The following OGFOD3 variants were observed in gnomAD, a reference collection of about 807,000 sequenced individuals.
OGFOD3 encodes 2-oxoglutarate and iron-dependent oxygenase domain-containing protein 3.
In OGFOD3, 35 loss-of-function variants were observed where a neutral mutation model predicts 39.8. The observed-to-expected ratio is 0.88, with a 90% CI of 0.67 to 1.17. The LOEUF (loss-of-function observed/expected upper bound fraction) is 1.17, where lower values mean the gene tolerates loss of function less well. Ranked by LOEUF, OGFOD3 falls within the 50% of genes most tolerant of loss-of-function variation. The probability of loss-of-function intolerance (pLI) is 0.00; values close to 1 mark genes in which losing one functional copy is unlikely to be tolerated. For missense variants in OGFOD3, 438 were observed against 454.5 expected (o/e 0.96, Z 0.33); for synonymous variants, 200 against 192.0 (o/e 1.04, Z -0.34).
At chr17:82,413,677 C>T (rs943239471) in intron 2 of OGFOD3, among the ~76,000 whole-genome samples, 3 of 152,136 alleles carry the variant, frequency 2.0e-5, no homozygotes, top group African/African-American at 4.8e-5. Flanking sequence ...TGAGATCAGC[C>T]TGGGCAACAT....
In OGFOD3 at chr17:82,415,091, C is replaced by G. The variant is rs2053011284; in HGVS notation, c.304+307G>C. On this transcript the variant is annotated intron_variant, in intron 2 of 8. Transcript: ENST00000313056. The surrounding 1 kb of genome is among the most constrained non-coding windows in gnomAD (Gnocchi z 5.3). Reference sequence around the variant, plus strand: ...ACATTTTCCCCAACATTCTCTGACTCTACCACATTCTCCAGTCAAAAAATC... The same window carrying G: ...ACATTTTCCCCAACATTCTCTGACTGTACCACATTCTCCAGTCAAAAAATC... Among the ~76,000 whole-genome samples, 1 of 152,242 alleles carries G rather than the reference C, an allele frequency of 6.6e-6. No homozygotes were observed. Among genetic ancestry groups the G allele is most frequent in the Admixed American group, 6.5e-5 (1 of 15,288 alleles).
intron 2 of OGFOD3, among the ~76,000 whole-genome samples, chr17:82,411,963 A>G (rs1025467206): frequency 6.6e-6 from 1 of 151,574 alleles, no homozygotes; most frequent in South Asian, 2.1e-4. Flanking sequence ...AACCCTCCTG[A>G]GGCCACCAGA....
At chr17:82,408,813 C>T (rs2052896902) in intron 4 of OGFOD3, among the ~76,000 whole-genome samples, 1 of 152,202 alleles carries the variant, frequency 6.6e-6, no homozygotes, top group African/African-American at 2.4e-5. Flanking sequence ...CTGCAAAGGT[C>T]CCTTTTCCAA....
At position 82,392,265 on chromosome 17, in the gene OGFOD3, G is replaced by T; in HGVS notation, c.*133C>A. ...TACTCACAGATGAAAAGATTAACAC[G>T]TCAGCAAATCAAAATCAGAGAATTC... On this transcript the variant is annotated 3_prime_UTR_variant, in exon 9 of 9. Coordinates refer to ENST00000313056, the MANE Select transcript of OGFOD3 (RefSeq NM_024648.3). The surrounding 1 kb of genome is among the most constrained non-coding windows in gnomAD (Gnocchi z 4.2). 1.0e-6 allele frequency: 1 copy of T among 978,492 alleles called. No individual in the cohort carries two copies. Among genetic ancestry groups the T allele is most frequent in the Non-Finnish European group, 1.5e-6 (1 of 670,688 alleles). The allele number at this position is 978,492 out of a possible 1,614,324, so 60.6% of individuals were successfully genotyped here. A position where few individuals can be genotyped will look rare whatever the true frequency, so the allele number is the denominator to read the frequency against.
chr17:82,412,201 T>A (rs2052959045), intron 2 of OGFOD3, among the ~76,000 whole-genome samples: 1 of 152,152 alleles, frequency 6.6e-6, no homozygotes, highest in East Asian at 1.9e-4. Context: ...CACATGCCCC[T>A]GTCTCTCCCC....
rs149476655 is a variant in OGFOD3, at chr17:82,398,291, G to A, written c.728C>T (p.Ser243Leu). 14 of 1,614,066 alleles carry A rather than the reference G, an allele frequency of 8.7e-6. No homozygotes were observed. In the South Asian group the frequency reaches 1.1e-4, roughly 13 times the overall value. ...CAGGTAGTTGGAGAGGTACAGCAGC[G>A]AGGTGTAGTCGAAGGAGCCGTAGGT... ...KVTYGSFDYT[S>L]LLYLSNYLED... is the part of the protein sequence containing the mutation. The change falls in exon 8 of 9, where the codon TCG becomes TTG. Residue 243 changes from serine to leucine, a missense_variant. Transcript: ENST00000313056.
chr17:82,394,174 T>A (rs1418709193), intron 8 of OGFOD3, among the ~76,000 whole-genome samples: 1 of 151,822 alleles, frequency 6.6e-6, no homozygotes, highest in Non-Finnish European at 1.5e-5. Flanking sequence ...GTACTTTTAG[T>A]AGAGATGTAG....
intron 4 of OGFOD3, among the ~76,000 whole-genome samples, chr17:82,409,050 TC>T (rs1334822875): frequency 6.6e-6 from 1 of 151,518 alleles, no homozygotes; most frequent in Non-Finnish European, 1.5e-5. Context: ...CTCGCTGGGC[TC>T]CCACCCCGCT....
intron 7 of OGFOD3, 42 bp downstream of exon 7, chr17:82,403,895 C>G: frequency 6.4e-7 from 1 of 1,567,316 alleles, no homozygotes; most frequent in Non-Finnish European, 8.6e-7. Context: ...GCACGCTCAC[C>G]TTGTCCACGG....
intron 5 of OGFOD3, 105 bp from the exon 6 acceptor site, chr17:82,405,485 A>G: frequency 1.1e-6 from 1 of 935,516 alleles, no homozygotes; most frequent in Non-Finnish European, 1.7e-6. Context: ...CAACTCACAC[A>G]TTCAGAGCAA....
chr17:82,396,202 T>C (rs1369055204), intron 8 of OGFOD3, among the ~76,000 whole-genome samples: 6 of 150,136 alleles, frequency 4.0e-5, no homozygotes, highest in African/African-American at 1.5e-4. Flanking sequence ...ATTAGACAGA[T>C]GTACGACATC....
chr17:82,394,805 G>A (rs2052647349), intron 8 of OGFOD3, among the ~76,000 whole-genome samples: 1 of 152,186 alleles, frequency 6.6e-6, no homozygotes, highest in Non-Finnish European at 1.5e-5. Context: ...AGGGGCTGGG[G>A]ACAGAGGCCA....
At chr17:82,403,168 C>G (rs186561215) in intron 7 of OGFOD3, among the ~76,000 whole-genome samples, 44 of 152,150 alleles carry the variant, frequency 2.9e-4, no homozygotes, top group Admixed American at 6.5e-4. Context: ...GACCATCTGC[C>G]GTAAGAGGTT....
rs1567863421 is a variant in OGFOD3 at position 82,392,470 on chromosome 17, G to A, written c.888C>T (p.Gly296=). The A allele has an allele frequency of 6.2e-7, 1 of 1,611,346 alleles. No individual in the cohort carries two copies. The highest frequency in any genetic ancestry group is 8.5e-7 in the Non-Finnish European group (1 of 1,179,056). ...AGGCGATGGTGATGGCGTAACGGGT[G>A]CCCCAGTGGACCTTCTCCACGCGGT... ...NLHRVEKVHW[G]TRYAITIAFS... is the part of the protein sequence containing the mutation. Residue 296 remains glycine (G), a synonymous_variant, in exon 9 of 9, where the codon GGC becomes GGT. Transcript: ENST00000313056. This position sits in a 1 kb window ranked among gnomAD's most constrained non-coding sequence, Gnocchi z 4.2.
At chr17:82,402,465 G>C (rs1442195586) in intron 7 of OGFOD3, among the ~76,000 whole-genome samples, 1 of 151,602 alleles carries the variant, frequency 6.6e-6, no homozygotes, top group Non-Finnish European at 1.5e-5. Flanking sequence ...AGAAAGAAAA[G>C]GCTGGGCATG....
intron 8 of OGFOD3, chr17:82,396,911 C>G (rs934788399): frequency 6.6e-6 from 1 of 152,288 alleles, no homozygotes; most frequent in African/African-American, 2.4e-5. Flanking sequence ...CAATCCACGC[C>G]AGGGGAGACT....
intron 7 of OGFOD3, among the ~76,000 whole-genome samples, chr17:82,402,544 T>A (rs1488290567): frequency 1.3e-5 from 2 of 150,076 alleles, no homozygotes; most frequent in East Asian, 3.9e-4. Context: ...GTCAGGAGTT[T>A]AAGAGCAGCC....
intron 7 of OGFOD3, 103 bp from the exon 8 acceptor site, chr17:82,398,422 C>T (rs2052713180): frequency 7.1e-7 from 1 of 1,405,814 alleles, no homozygotes; most frequent in Admixed American, 2.1e-5. Context: ...TTTTTTGAGA[C>T]AGAGTCTTGC....
At chr17:82,403,893 A>T in intron 7 of OGFOD3, 44 bp downstream of exon 7, 1 of 1,556,970 alleles carries the variant, frequency 6.4e-7, no homozygotes. Flanking sequence ...GGGCACGCTC[A>T]CCTTGTCCAC....
Sources: gnomAD v4.1 joint callset for allele counts (sites outside exome capture counted in the v4.1 genomes callset) on GRCh38, gnomAD v4.1.1 for gene constraint, Gnocchi (gnomAD v3.1) non-coding constraint, MANE v1.5 for transcripts, NCBI Gene and HGNC (gene_info 2026-07-23, HGNC 2026-07-21) for gene names.